The following COL21A1 variants were observed in gnomAD, a reference collection of about 807,000 sequenced individuals.
COL21A1 encodes the protein collagen type XXI alpha 1 chain.
A neutral mutation model predicts 137.9 loss-of-function variants in COL21A1; 149 were observed. That is an observed-to-expected ratio of 1.08 (90% confidence interval 0.95 to 1.24). The LOEUF is 1.24. Ranked by LOEUF, COL21A1 falls within the 50% of genes most tolerant of loss-of-function variation. The probability of loss-of-function intolerance (pLI) is 0.00; values close to 1 mark genes in which losing one functional copy is unlikely to be tolerated. For missense variants in COL21A1, 1,167 were observed against 1,158.4 expected (o/e 1.01, Z -0.11); for synonymous variants, 456 against 391.5 (o/e 1.16, Z -1.95).
intron 1 of COL21A1, among the ~76,000 whole-genome samples, chr6:56,203,301 A>C (rs1007401649): frequency 2.0e-5 from 3 of 152,204 alleles, no homozygotes; most frequent in Admixed American, 6.5e-5. Flanking sequence ...CAGTGTTAGC[A>C]TATCCAAGGT....
chr6:56,215,493 A>C (rs3857611), intron 1 of COL21A1, among the ~76,000 whole-genome samples: 116,798 of 151,936 alleles, frequency 0.77, 45,749 homozygotes, highest in African/African-American at 0.91. Flanking sequence ...CATTTCCCTG[A>C]ACATACTACT....
chr6:56,187,379 C>A (rs768404951), intron 1 of COL21A1, among the ~76,000 whole-genome samples: 15 of 152,204 alleles, frequency 9.9e-5, no homozygotes, highest in Non-Finnish European at 1.9e-4. Flanking sequence ...TACCTTTACA[C>A]TGGAGATTAA....
In COL21A1 at chr6:56,059,221, T is replaced by TC. The variant is rs755646517; in HGVS notation, c.2629dup (p.Glu877GlyfsTer67). ...ATACCCAAACCCTTGGCTCCCTTTT[T>TC]CCCCATTTCTTCCTGGTAGGCCTGC... On this transcript the variant is annotated frameshift_variant, in exon 29 of 30. Transcript: ENST00000244728. LOFTEE classifies it high-confidence loss of function. 2 of 1,606,836 alleles carry TC rather than the reference T, an allele frequency of 1.2e-6. No individual in the cohort carries two copies. Among genetic ancestry groups the TC allele is most frequent in the Non-Finnish European group, 1.7e-6 (2 of 1,177,822 alleles).
Position 56,182,582 on chromosome 6 carries a change from C to A in COL21A1, c.37G>T (p.Val13Leu), listed in dbSNP as rs1777984032. The A allele has an allele frequency of 1.9e-6, 3 of 1,605,842 alleles. No individual in the cohort carries two copies. Among genetic ancestry groups the A allele is most frequent in the Non-Finnish European group, 2.6e-6 (3 of 1,175,426 alleles). The change falls in exon 2 of 30, where the codon GTG (valine) becomes TTG (leucine). Residue 13 changes from valine (V) to leucine (L), a missense_variant. Transcript: ENST00000244728. ...HYITFLCMVL[V>L]LLLQNSVLAE... The stretch of plus-strand genomic sequence containing the variant: ...AACACAGAATTCTGAAGAAGCAGCA[C>A]CAAAACCATGCAGAGAAATGTAATA...
At chr6:56,382,968 A>C (rs530095799) in intron 1 of COL21A1, among the ~76,000 whole-genome samples, 3 of 152,254 alleles carry the variant, frequency 2.0e-5, no homozygotes, top group Admixed American at 6.5e-5. Context: ...ATACCTCAAC[A>C]GTACTCACAG....
At chr6:56,081,750 G>GA (rs554892700) in intron 17 of COL21A1, among the ~76,000 whole-genome samples, 1 of 151,536 alleles carries the variant, frequency 6.6e-6, no homozygotes, top group African/African-American at 2.4e-5. Flanking sequence ...AATCTTTAAG[G>GA]AAAAAAAATC....
At chr6:56,149,377 G>A (rs1443204239) in intron 10 of COL21A1, among the ~76,000 whole-genome samples, 2 of 152,150 alleles carry the variant, frequency 1.3e-5, no homozygotes, top group Non-Finnish European at 2.9e-5. Flanking sequence ...CAGATTAGTA[G>A]TCAGAAGAAA....
chr6:56,322,991 G>A (rs1764910280), intron 1 of COL21A1, among the ~76,000 whole-genome samples: 1 of 151,742 alleles, frequency 6.6e-6, no homozygotes. Flanking sequence ...CATAGAGAGT[G>A]GAATAATAGA....
At chr6:56,294,350 G>A (rs573886008) in intron 1 of COL21A1, among the ~76,000 whole-genome samples, 16 of 151,954 alleles carry the variant, frequency 1.1e-4, no homozygotes, top group Non-Finnish European at 1.3e-4. Flanking sequence ...AATGTTCTAC[G>A]GTGCATATAA....
chr6:56,344,428 A>G (rs1765541988), intron 1 of COL21A1, among the ~76,000 whole-genome samples: 2 of 152,258 alleles, frequency 1.3e-5, no homozygotes, highest in East Asian at 3.8e-4. Context: ...TAAATTTTTC[A>G]GATATTCAAG....
In COL21A1 at chr6:56,060,034, A is replaced by T. The variant is rs768160368; in HGVS notation, c.2592T>A (p.Gly864=). The change falls in exon 28 of 30, where the codon GGT becomes GGA. Residue 864 remains glycine, a synonymous_variant. Transcript: ENST00000244728. ...PGLVGVPGRP[G]VRGLKGLPGR... is the part of the protein sequence containing the mutation. ...ACTGCATACCTTTTAATCCTCTGAC[A>T]CCTGGACGTCCAGGGACACCCACTA... 2 of 1,599,200 alleles carry T rather than the reference A, an allele frequency of 1.3e-6. No homozygotes were observed. Among genetic ancestry groups the T allele is most frequent in the South Asian group, 1.1e-5 (1 of 87,966 alleles).
chr6:56,325,956 A>G (rs2152342652), intron 1 of COL21A1, among the ~76,000 whole-genome samples: 1 of 8,072 alleles, frequency 1.2e-4, no homozygotes, highest in African/African-American at 7.4e-4. Context: ...ATTATATAAT[A>G]TATATAATAT....
chr6:56,305,818 T>G (rs1388819459), intron 1 of COL21A1, among the ~76,000 whole-genome samples: 28 of 151,548 alleles, frequency 1.8e-4, no homozygotes, highest in Admixed American at 1.6e-3. Context: ...TGATGCAGTT[T>G]CTTCCTAGCC....
In COL21A1 at chr6:56,132,979, G is replaced by A. The variant is rs192354210; in HGVS notation, c.1543-6830C>T. Among the ~76,000 whole-genome samples, 15 of 152,212 alleles carry A rather than the reference G, an allele frequency of 9.9e-5. No individual in the cohort carries two copies. The East Asian group carries it at 1.7e-3, about 18-fold the overall frequency. On this transcript the variant is annotated intron_variant, in intron 12 of 29. Coordinates refer to ENST00000244728, the MANE Select transcript of COL21A1 (RefSeq NM_030820.4). The stretch of plus-strand genomic sequence containing the variant: ...ATTAAACCTCTTTCTTTTGTAAATT[G>A]CCCAGTCTCAGCTATGTCTTTATCA...
At chr6:56,313,185 T>A (rs893626655) in intron 1 of COL21A1, among the ~76,000 whole-genome samples, 1 of 151,920 alleles carries the variant, frequency 6.6e-6, no homozygotes, top group East Asian at 1.9e-4. Flanking sequence ...GAGATTCTAG[T>A]AGGGGAGCAC....
At chr6:56,150,014 C>T (rs9475577) in intron 10 of COL21A1, among the ~76,000 whole-genome samples, 4,198 of 152,280 alleles carry the variant, frequency 0.028, 187 homozygotes, top group African/African-American at 0.095. Context: ...TGCCATCTTC[C>T]CTTCCTTCTC....
At chr6:56,180,340 A>G (rs571922305) in intron 2 of COL21A1, among the ~76,000 whole-genome samples, 1 of 152,182 alleles carries the variant, frequency 6.6e-6, no homozygotes, top group Non-Finnish European at 1.5e-5. Flanking sequence ...TTTTCTACCA[A>G]CTCCAGGACT....
intron 1 of COL21A1, among the ~76,000 whole-genome samples, chr6:56,282,948 T>C (rs1209817413): frequency 6.6e-6 from 1 of 152,228 alleles, no homozygotes; most frequent in Non-Finnish European, 1.5e-5. Context: ...TTAATGGCCT[T>C]CTCAGCATAG....
intron 10 of COL21A1, among the ~76,000 whole-genome samples, chr6:56,144,653 T>C (rs991180276): frequency 2.6e-5 from 4 of 152,198 alleles, no homozygotes; most frequent in African/African-American, 9.6e-5. Context: ...GATGTGGTAT[T>C]TGTTATAGAG....
Sources: allele counts gnomAD v4.1 joint callset (sites outside exome capture counted in the v4.1 genomes callset), GRCh38; gene constraint gnomAD v4.1.1; transcripts MANE v1.5; gene names NCBI Gene and HGNC (gene_info 2026-07-23, HGNC 2026-07-21).